The following VCAM1 variants were observed in gnomAD, a reference collection of about 807,000 sequenced individuals.
The protein encoded by VCAM1 is vascular cell adhesion molecule 1, also known as vascular cell adhesion protein 1.
In VCAM1, 41 loss-of-function variants were observed where a neutral mutation model predicts 63.8. The observed-to-expected ratio is 0.64, with a 90% confidence interval of 0.50 to 0.83. The LOEUF (loss-of-function observed/expected upper bound fraction) is 0.83. Among genes scored for constraint, VCAM1 ranks in the 40% least tolerant of loss-of-function variants. VCAM1 has a pLI of 0.00. For synonymous variants in VCAM1, 338 were observed against 320.7 expected (o/e 1.05, Z -0.58); for missense variants, 798 against 875.5 (o/e 0.91, Z 1.12).
At position 100,720,607 on chromosome 1, in the gene VCAM1, C is replaced by A; in HGVS notation, c.196C>A (p.Pro66Thr). 6.2e-7 allele frequency: 1 copy of A among 1,613,184 alleles called. No individual in the cohort carries two copies. The highest frequency in any genetic ancestry group is 1.1e-5 in the South Asian group (1 of 91,056). ...FFSWRTQIDS[P>T]LNGKVTNEGT... Reference sequence around the variant, plus strand: ...CTCTTGGAGAACCCAGATAGATAGTCCACTGAATGGGAAGGTGACGAATGA... The same window carrying A: ...CTCTTGGAGAACCCAGATAGATAGTACACTGAATGGGAAGGTGACGAATGA... Residue 66 changes from proline to threonine, a missense_variant, in exon 2 of 9, where the codon CCA becomes ACA. By Grantham distance (38) the Pro-to-Thr change is conservative. Coordinates refer to ENST00000294728, the MANE Select transcript of VCAM1 (RefSeq NM_001078.4).
intron 2 of VCAM1, among the ~76,000 whole-genome samples, chr1:100,721,816 T>C (rs893760612): frequency 5.9e-5 from 9 of 152,086 alleles, no homozygotes; most frequent in African/African-American, 2.2e-4. Flanking sequence ...CAAGTTCTTA[T>C]GTTACCTGAC....
intron 2 of VCAM1, among the ~76,000 whole-genome samples, chr1:100,721,761 C>G (rs1340232144): frequency 6.6e-6 from 1 of 151,974 alleles, no homozygotes; most frequent in Non-Finnish European, 1.5e-5. Flanking sequence ...TGCAGCCTCC[C>G]GAGCTCCTTG....
In VCAM1 at chr1:100,720,464, T is replaced by C. The variant is rs1483919014; in HGVS notation, c.65-12T>C. The C allele has an allele frequency of 6.2e-7, 1 of 1,601,710 alleles. No homozygotes were observed. The highest frequency in any genetic ancestry group is 1.1e-5 in the South Asian group (1 of 90,028). ...GTGGTAAATTTGCTTCTGTCTTTTT[T>C]TGCTTTTGCAGCTCAAGCTTTTAAA... On this transcript the variant is annotated splice_polypyrimidine_tract_variant and intron_variant, in intron 1 of 8. Transcript: ENST00000294728.
intron 2 of VCAM1, among the ~76,000 whole-genome samples, 154 bp from the exon 3 acceptor site, chr1:100,722,866 C>A (rs1182176114): frequency 6.6e-6 from 1 of 152,078 alleles, no homozygotes; most frequent in Non-Finnish European, 1.5e-5. Flanking sequence ...GCCTTGAACT[C>A]ACCCCAAATC....
intron 8 of VCAM1, 95 bp from the exon 9 acceptor site, chr1:100,738,028 A>G: frequency 7.5e-7 from 1 of 1,340,492 alleles, no homozygotes; most frequent in Non-Finnish European, 1.0e-6. Flanking sequence ...TCTTTGGAGA[A>G]CTAGTTGTAC....
rs1469398309 is a variant in VCAM1, at chr1:100,720,583, T to G, written c.172T>G (p.Ser58Ala). Reference sequence around the variant, plus strand: ...CACAGGCTGTGAGTCCCCATTTTTCTCTTGGAGAACCCAGATAGATAGTCC... The same window carrying G: ...CACAGGCTGTGAGTCCCCATTTTTCGCTTGGAGAACCCAGATAGATAGTCC... ...STTGCESPFF[S>A]WRTQIDSPLN... The change falls in exon 2 of 9, where the codon TCT (serine) becomes GCT (alanine). Residue 58 changes from serine (S) to alanine (A), a missense_variant. Ser to Ala is a moderately conservative substitution (Grantham distance 99). Transcript: ENST00000294728. 1 of 1,613,254 alleles carries G rather than the reference T, an allele frequency of 6.2e-7. No homozygotes were observed. Among genetic ancestry groups the G allele is most frequent in the South Asian group, 1.1e-5 (1 of 91,060 alleles).
chr1:100,731,591 T>A lies in VCAM1; in HGVS notation c.1525+73T>A. The A allele has an allele frequency of 7.2e-7, 1 of 1,395,904 alleles. No homozygotes were observed. The highest frequency in any genetic ancestry group is 9.8e-7 in the Non-Finnish European group (1 of 1,024,868). The allele number at this position is 1,395,904 out of a possible 1,614,324, so 86.5% of individuals were successfully genotyped here. A position where few individuals can be genotyped will look rare whatever the true frequency, so the allele number is the denominator to read the frequency against. ...CGTGTTTGCCAGGCAATAGTTAACA[T>A]AAGGTTAATCGTTAAAACCTCTGTG... On this transcript the variant is annotated intron_variant, in intron 6 of 8. Transcript: ENST00000294728. This position sits in a 1 kb window ranked among gnomAD's most constrained non-coding sequence, Gnocchi z 4.2.
In VCAM1 at chr1:100,731,092, C is replaced by A. The variant is rs1034047727; in HGVS notation, c.1205-106C>A. On this transcript the variant is annotated intron_variant, in intron 5 of 8. Transcript: ENST00000294728. The surrounding 1 kb of genome is among the most constrained non-coding windows in gnomAD (Gnocchi z 4.2). Reference sequence around the variant, plus strand: ...TTATATATTGACAGTCATTCTATCCCAGGTGACTTAAAGCTGTCATTTTTA... The same window carrying A: ...TTATATATTGACAGTCATTCTATCCAAGGTGACTTAAAGCTGTCATTTTTA... 2 of 985,728 alleles carry A rather than the reference C, an allele frequency of 2.0e-6. No homozygotes were observed. The highest frequency in any genetic ancestry group is 1.7e-5 in the African/African-American group (1 of 60,588). The allele number at this position is 985,728 out of a possible 1,614,324, so 61.1% of individuals were successfully genotyped here.
intron 4 of VCAM1, among the ~76,000 whole-genome samples, chr1:100,727,137 C>G (rs1296387920): frequency 6.6e-6 from 1 of 151,058 alleles, no homozygotes; most frequent in East Asian, 1.9e-4. Flanking sequence ...TAAATATTTG[C>G]TGAATTAATG....
At chr1:100,725,307 A>G (rs1660123493) in intron 4 of VCAM1, among the ~76,000 whole-genome samples, 1 of 151,854 alleles carries the variant, frequency 6.6e-6, no homozygotes. Context: ...GTTCTACCTC[A>G]AAATGCTCCC....
chr1:100,720,393 T>G, intron 1 of VCAM1, 83 bp from the exon 2 acceptor site: 1 of 1,494,902 alleles, frequency 6.7e-7, no homozygotes, highest in Non-Finnish European at 9.0e-7. Context: ...CTGATCATAT[T>G]TTAGACATTA....
chr1:100,724,660 C>T lies in VCAM1; in HGVS notation c.698C>T (p.Ser233Phe), dbSNP rs1187503544. Reference sequence around the variant, plus strand: ...AATACAGTTATTTCTGTGAATCCATCCACAAAGCTGCAAGAAGGTGGCTCT... The same window carrying T: ...AATACAGTTATTTCTGTGAATCCATTCACAAAGCTGCAAGAAGGTGGCTCT... ...PKNTVISVNP[S>F]TKLQEGGSVT... Residue 233 changes from serine (S) to phenylalanine (F), a missense_variant, in exon 4 of 9, where the codon TCC becomes TTC. Physicochemically the swap from Ser to Phe is radical, Grantham distance 155 (BLOSUM62 -2). Transcript: ENST00000294728. 5 of 1,612,872 alleles carry T rather than the reference C, an allele frequency of 3.1e-6. No homozygotes were observed. Among genetic ancestry groups the T allele is most frequent in the Non-Finnish European group, 4.2e-6 (5 of 1,179,398 alleles).
At chr1:100,728,653 A>G (rs1236124882) in intron 4 of VCAM1, among the ~76,000 whole-genome samples, 1 of 151,644 alleles carries the variant, frequency 6.6e-6, no homozygotes, top group African/African-American at 2.4e-5. Flanking sequence ...TAGAAGCAGA[A>G]AGAGAAGGCA....
intron 2 of VCAM1, 63 bp from the exon 3 acceptor site, chr1:100,722,957 T>C (rs2100823756): frequency 6.7e-7 from 1 of 1,493,492 alleles, no homozygotes; most frequent in Non-Finnish European, 8.9e-7. Flanking sequence ...TGTGTTAAAG[T>C]GGTAAGAGAC....
At chr1:100,720,132 T>G (rs1659906743) in intron 1 of VCAM1, among the ~76,000 whole-genome samples, 1 of 152,152 alleles carries the variant, frequency 6.6e-6, no homozygotes, top group Non-Finnish European at 1.5e-5. Flanking sequence ...TTGATGTTTT[T>G]GGTATCTTTT....
At chr1:100,730,867 A>G (rs908099141) in intron 5 of VCAM1, among the ~76,000 whole-genome samples, 1 of 152,174 alleles carries the variant, frequency 6.6e-6, no homozygotes. Context: ...TGTGAAATAT[A>G]TACTTACTAA....
chr1:100,721,291 G>A (rs1659941302), intron 2 of VCAM1, among the ~76,000 whole-genome samples: 1 of 152,018 alleles, frequency 6.6e-6, no homozygotes, highest in Non-Finnish European at 1.5e-5. Context: ...CTTTGGTGTT[G>A]ACACATTTAG....
chr1:100,734,521 A>G lies in VCAM1; in HGVS notation c.1812A>G (p.Lys604=). 2 of 1,613,146 alleles carry G rather than the reference A, an allele frequency of 1.2e-6. No homozygotes were observed. Among genetic ancestry groups the G allele is most frequent in the Non-Finnish European group, 1.7e-6 (2 of 1,179,654 alleles). ...TTACAGTTACTCCAAAAGACATAAA[A>G]CTTACAGCTTTTCCTTCTGAGAGTG... ...LIIQVTPKDI[K]LTAFPSESVK... Residue 604 remains lysine (K), a synonymous_variant, in exon 8 of 9, where the codon AAA becomes AAG. Coordinates refer to ENST00000294728, the MANE Select transcript of VCAM1 (RefSeq NM_001078.4).
chr1:100,729,947 C>T lies in VCAM1; in HGVS notation c.1204+565C>T, dbSNP rs536033946. Among the ~76,000 whole-genome samples the T allele has an allele frequency of 1.1e-4, 17 of 152,244 alleles. No homozygotes were observed. The East Asian group carries it at 3.3e-3, about 29-fold the overall frequency. On this transcript the variant is annotated intron_variant, in intron 5 of 8. Coordinates refer to ENST00000294728, the MANE Select transcript of VCAM1 (RefSeq NM_001078.4). ...TCTTAATGTTGATTTATGCCACCTA[C>T]ATATACTACACTTTCTCTCACTCTT...
Sources: allele counts gnomAD v4.1 joint callset (sites outside exome capture counted in the v4.1 genomes callset), GRCh38; gene constraint gnomAD v4.1.1; non-coding constraint Gnocchi (gnomAD v3.1); transcripts MANE v1.5; gene names NCBI Gene and HGNC (gene_info 2026-07-23, HGNC 2026-07-21).